MYO16: variants seen among roughly 807,000 people sequenced by gnomAD.
MYO16 encodes myosin XVI.
In MYO16, 94 loss-of-function variants were observed where a neutral mutation model predicts 205.3. The ratio of observed to expected loss-of-function variants is 0.46; its 90% CI spans 0.39 to 0.54. The LOEUF (loss-of-function observed/expected upper bound fraction) is 0.54, where lower values mean the gene tolerates loss of function less well. Among genes scored for constraint, MYO16 ranks in the 20% least tolerant of loss-of-function variants. MYO16 has a pLI of 0.00. For synonymous variants in MYO16, 988 were observed against 954.0 expected, an observed-to-expected ratio of 1.04 and a Z score of -0.66; for missense variants, 2,315 against 2,387.5, an observed-to-expected ratio of 0.97 and a Z score of 0.63.
At chr13:109,100,964 A>G (rs1246463113) in intron 28 of MYO16, 77 bp downstream of exon 28, 4 of 1,288,866 alleles carry the variant, frequency 3.1e-6, no homozygotes, top group Admixed American at 1.9e-5. Context: ...GGGAGCCACC[A>G]GAATCTTCCT....
the MYO16 span, among the ~76,000 whole-genome samples, chr13:108,588,202 T>C: frequency 2.0e-5 from 3 of 152,212 alleles, no homozygotes; most frequent in Admixed American, 1.3e-4. Flanking sequence ...GAGTATTAAA[T>C]GCAATCTACT....
At chr13:108,950,498 C>A (rs1023908143) in intron 16 of MYO16, among the ~76,000 whole-genome samples, 4 of 152,106 alleles carry the variant, frequency 2.6e-5, no homozygotes, top group African/African-American at 7.2e-5. Flanking sequence ...AAGATACCAC[C>A]ACATACCTAT....
At chr13:109,137,914 T>G (rs1876857835) in intron 31 of MYO16, among the ~76,000 whole-genome samples, 1 of 152,192 alleles carries the variant, frequency 6.6e-6, no homozygotes, top group Non-Finnish European at 1.5e-5. Flanking sequence ...GGCCTGTTGG[T>G]TCTCATCTTC....
intron 32 of MYO16, among the ~76,000 whole-genome samples, chr13:109,160,607 A>G (rs931647696): frequency 2.0e-5 from 3 of 152,198 alleles, no homozygotes; most frequent in Admixed American, 2.0e-4. Flanking sequence ...AGGCACAAAA[A>G]TGTCTCAGAC....
intron 1 of MYO16, among the ~76,000 whole-genome samples, chr13:108,602,104 A>G (rs1878786824): frequency 8.4e-5 from 2 of 23,848 alleles, no homozygotes; most frequent in South Asian, 1.7e-3. Flanking sequence ...ATATGATGAA[A>G]AAAAAAAAAA....
intron 2 of MYO16, among the ~76,000 whole-genome samples, chr13:108,699,120 G>GTGTA (rs1555339728): frequency 2.7e-5 from 4 of 150,338 alleles, no homozygotes; most frequent in Non-Finnish European, 4.4e-5. Flanking sequence ...ATGTGTGTGT[G>GTGTA]TATATACACA....
At chr13:109,047,878 C>G (rs1305790524) in intron 24 of MYO16, among the ~76,000 whole-genome samples, 1 of 152,034 alleles carries the variant, frequency 6.6e-6, no homozygotes, top group Non-Finnish European at 1.5e-5. Context: ...CTGTAATACA[C>G]TGTTTTTCAC....
chr13:108,697,897 A>G (rs1015278290), intron 2 of MYO16, among the ~76,000 whole-genome samples: 6 of 151,976 alleles, frequency 3.9e-5, no homozygotes, highest in Non-Finnish European at 7.4e-5. Context: ...TAATTTTTGT[A>G]TTTTTAGTAC....
intron 32 of MYO16, among the ~76,000 whole-genome samples, chr13:109,145,856 G>A (rs777076277): frequency 2.0e-5 from 3 of 152,108 alleles, no homozygotes; most frequent in Non-Finnish European, 4.4e-5. Flanking sequence ...AGGAAGACAG[G>A]GTCTTGACAA....
chr13:109,153,879 G>C (rs1010712819), intron 32 of MYO16, among the ~76,000 whole-genome samples: 1 of 152,204 alleles, frequency 6.6e-6, no homozygotes, highest in African/African-American at 2.4e-5. Context: ...TGTGGTCCCT[G>C]GTGAAGTGTG....
intron 2 of MYO16, among the ~76,000 whole-genome samples, chr13:108,673,993 A>G (rs569172791): frequency 6.6e-6 from 1 of 152,274 alleles, no homozygotes; most frequent in African/African-American, 2.4e-5. Context: ...AATCTACAGG[A>G]CATATCAACT....
chr13:108,637,855 A>G (rs1880328956), intron 1 of MYO16, among the ~76,000 whole-genome samples: 1 of 152,028 alleles, frequency 6.6e-6, no homozygotes, highest in Non-Finnish European at 1.5e-5. Flanking sequence ...AGCCTGGGCA[A>G]CACAAATAAA....
intron 27 of MYO16, among the ~76,000 whole-genome samples, chr13:109,081,830 A>G (rs1442396972): frequency 6.6e-6 from 1 of 152,196 alleles, no homozygotes; most frequent in Non-Finnish European, 1.5e-5. Context: ...TGTAACTAAT[A>G]GGCATTGAAC....
intron 1 of MYO16, among the ~76,000 whole-genome samples, chr13:108,663,348 T>C (rs1038008534): frequency 2.0e-5 from 3 of 152,020 alleles, no homozygotes; most frequent in East Asian, 1.9e-4. Context: ...ATATTATATA[T>C]CTTATCGATT....
intron 1 of MYO16, among the ~76,000 whole-genome samples, chr13:108,620,164 A>C: frequency 6.6e-6 from 1 of 152,200 alleles, no homozygotes; most frequent in Non-Finnish European, 1.5e-5. Flanking sequence ...TGAAGATATT[A>C]GAATAATGCT....
At chr13:108,609,160 C>T (rs1052443824) in intron 1 of MYO16, among the ~76,000 whole-genome samples, 35 of 152,064 alleles carry the variant, frequency 2.3e-4, no homozygotes, top group Non-Finnish European at 4.1e-4. Flanking sequence ...CGATGGAGTC[C>T]CTGGAAGTTT....
At chr13:108,544,254 A>G in the MYO16 span, among the ~76,000 whole-genome samples, 2 of 152,146 alleles carry the variant, frequency 1.3e-5, no homozygotes, top group Admixed American at 6.5e-5. Flanking sequence ...CTCTCAATTG[A>G]TCTTCCTTTA....
chr13:109,179,841 T>G (rs1310110538), intron 34 of MYO16, among the ~76,000 whole-genome samples: 1 of 152,112 alleles, frequency 6.6e-6, no homozygotes, highest in Admixed American at 6.5e-5. Context: ...TAAGGAATAA[T>G]GTCCAAAACA....
chr13:108,585,856 T>A, the MYO16 span, among the ~76,000 whole-genome samples: 1 of 152,232 alleles, frequency 6.6e-6, no homozygotes, highest in African/African-American at 2.4e-5. Flanking sequence ...TCAATTTATA[T>A]GTAGATAAAA....
Sources: gnomAD v4.1 joint callset for allele counts (sites outside exome capture counted in the v4.1 genomes callset) on GRCh38, gnomAD v4.1.1 for gene constraint, MANE v1.5 for transcripts, NCBI Gene and HGNC (gene_info 2026-07-23, HGNC 2026-07-21) for gene names.